The following ADGRL2 variants were observed in gnomAD, a reference collection of about 807,000 sequenced individuals.
The protein encoded by ADGRL2 is calcium-independent alpha-latrotoxin receptor 2.
A neutral mutation model predicts 157.4 loss-of-function variants in ADGRL2; 44 were observed. That is an observed-to-expected ratio of 0.28 (90% CI 0.22 to 0.36). The LOEUF (loss-of-function observed/expected upper bound fraction) is 0.36. ADGRL2 is among the 10% of genes least tolerant of loss of function. The pLI is 1.00. For synonymous variants in ADGRL2, 585 were observed against 624.7 expected (o/e 0.94, Z 0.95); for missense variants, 1,510 against 1,768.9 (o/e 0.85, Z 2.63).
At chr1:81,661,710 T>G (rs1192789049) in intron 3 of ADGRL2, among the ~76,000 whole-genome samples, 1 of 152,212 alleles carries the variant, frequency 6.6e-6, no homozygotes, top group Admixed American at 6.5e-5. Context: ...TGGTTCCAGT[T>G]TACACCAGTT....
chr1:81,849,087 G>A (rs774664114), intron 2 of ADGRL2, among the ~76,000 whole-genome samples: 5 of 151,892 alleles, frequency 3.3e-5, no homozygotes, highest in Non-Finnish European at 7.4e-5. Context: ...TGCATTAATG[G>A]CACTCACTGT....
intron 1 of ADGRL2, among the ~76,000 whole-genome samples, chr1:81,332,055 C>T (rs1228859251): frequency 1.3e-5 from 2 of 152,054 alleles, no homozygotes; most frequent in South Asian, 2.1e-4. Context: ...TGTATTTTGA[C>T]GTTTGTATGT....
intron 2 of ADGRL2, among the ~76,000 whole-genome samples, chr1:81,495,923 T>G (rs1226718876): frequency 6.6e-6 from 1 of 152,160 alleles, no homozygotes; most frequent in Non-Finnish European, 1.5e-5. Context: ...TTGCTCTTTG[T>G]CAAGTTGAAT....
intron 3 of ADGRL2, among the ~76,000 whole-genome samples, chr1:81,606,780 G>A (rs200244875): frequency 3.3e-5 from 5 of 151,380 alleles, no homozygotes; most frequent in Admixed American, 2.0e-4. Context: ...GTGTGCGCAC[G>A]CGTGTGTGTG....
intron 2 of ADGRL2, among the ~76,000 whole-genome samples, chr1:81,453,027 C>T (rs1464414434): frequency 6.6e-6 from 1 of 152,192 alleles, no homozygotes; most frequent in Non-Finnish European, 1.5e-5. Flanking sequence ...TTGTTTTATG[C>T]TCCTGAATGG....
intron 2 of ADGRL2, among the ~76,000 whole-genome samples, chr1:81,496,855 G>A (rs2078741184): frequency 6.6e-6 from 1 of 152,020 alleles, no homozygotes; most frequent in Admixed American, 6.5e-5. Flanking sequence ...CTTTCAAAGT[G>A]GGAAACAACT....
chr1:81,838,784 G>A (rs1247947464), intron 2 of ADGRL2, among the ~76,000 whole-genome samples: 1 of 151,994 alleles, frequency 6.6e-6, no homozygotes, highest in Non-Finnish European at 1.5e-5. Flanking sequence ...ATGAGATACT[G>A]CAGCTTTATT....
In ADGRL2 at chr1:81,984,625, T is replaced by G; in HGVS notation, c.3325T>G (p.Cys1109Gly). 6.2e-7 allele frequency: 1 copy of G among 1,612,824 alleles called. No individual in the cohort carries two copies. Among genetic ancestry groups the G allele is most frequent in the Non-Finnish European group, 8.5e-7 (1 of 1,179,108 alleles). The part of the protein sequence containing the change: ...YGKCFRHSYC[C>G]GGLPTESPHS... ...CAAGTGCTTCAGACACTCATACTGC[T>G]GTGGAGGCCTCCCAACTGAGAGTCC... Residue 1109 changes from cysteine to glycine, a missense_variant, in exon 20 of 24, where the codon TGT (cysteine) becomes GGT (glycine). This residue lies in a region of ADGRL2 where 497 missense variants were observed against 627.2 expected (regional missense o/e 0.79). Coordinates refer to ENST00000686636, the MANE Select transcript of ADGRL2 (RefSeq NM_001366006.2).
At chr1:81,346,061 G>T (rs1004015866) in intron 1 of ADGRL2, among the ~76,000 whole-genome samples, 2 of 152,116 alleles carry the variant, frequency 1.3e-5, no homozygotes, top group African/African-American at 4.8e-5. Flanking sequence ...TATCCACAGT[G>T]AGTTTGTAAA....
At chr1:81,822,396 ATAATT>A (rs1178831549) in intron 1 of ADGRL2, among the ~76,000 whole-genome samples, 1 of 151,584 alleles carries the variant, frequency 6.6e-6, no homozygotes, top group African/African-American at 2.4e-5. Context: ...ATTTTGATTT[ATAATT>A]TAATTTTTAT....
intron 2 of ADGRL2, among the ~76,000 whole-genome samples, chr1:81,889,331 A>G (rs901328420): frequency 1.3e-5 from 2 of 152,254 alleles, no homozygotes; most frequent in South Asian, 2.1e-4. Flanking sequence ...CAGTGAACAC[A>G]TAGATGATAA....
chr1:81,619,507 A>T (rs1321242044), intron 3 of ADGRL2, among the ~76,000 whole-genome samples: 1 of 152,108 alleles, frequency 6.6e-6, no homozygotes. Context: ...CACAAATCAG[A>T]TGCACTTCTG....
At chr1:81,948,508 T>C (rs948441197) in intron 6 of ADGRL2, among the ~76,000 whole-genome samples, 9 of 152,196 alleles carry the variant, frequency 5.9e-5, no homozygotes, top group Non-Finnish European at 1.2e-4. Context: ...CCCCTTCTTT[T>C]TTCTGTTCTG....
chr1:81,378,566 T>TAA (rs58850012), intron 1 of ADGRL2, among the ~76,000 whole-genome samples: 45,308 of 100,892 alleles, frequency 0.45, 10,670 homozygotes, highest in East Asian at 0.88. Flanking sequence ...CCTTGTATCT[T>TAA]AAAAAAAAAA....
intron 2 of ADGRL2, among the ~76,000 whole-genome samples, chr1:81,517,491 G>A (rs1535880): frequency 0.38 from 54,227 of 141,646 alleles, 14,229 homozygotes; most frequent in African/African-American, 0.75. Flanking sequence ...AAAAAAAAAG[G>A]ATGTCAAAAC....
At chr1:81,487,105 A>AG (rs1295290541) in intron 2 of ADGRL2, among the ~76,000 whole-genome samples, 4 of 140,998 alleles carry the variant, frequency 2.8e-5, no homozygotes, top group African/African-American at 5.5e-5. Context: ...AAAAAAAAAA[A>AG]AAAAGAAAGT....
chr1:81,909,986 T>A (rs2094676777), intron 3 of ADGRL2, among the ~76,000 whole-genome samples: 1 of 152,066 alleles, frequency 6.6e-6, no homozygotes, highest in African/African-American at 2.4e-5. Flanking sequence ...ACGTCTGTAA[T>A]CCCAGCACTT....
intron 1 of ADGRL2, among the ~76,000 whole-genome samples, chr1:81,396,988 A>G (rs1029206912): frequency 1.3e-5 from 2 of 152,198 alleles, no homozygotes; most frequent in African/African-American, 2.4e-5. Context: ...TGTTAGCCTC[A>G]TACAGTGATT....
At chr1:81,331,415 G>T (rs1480753308) in intron 1 of ADGRL2, among the ~76,000 whole-genome samples, 1 of 152,062 alleles carries the variant, frequency 6.6e-6, no homozygotes, top group Non-Finnish European at 1.5e-5. Flanking sequence ...TGGCATCCAG[G>T]CAGTAGAAAT....
Sources: gnomAD v4.1 joint callset for allele counts (sites outside exome capture counted in the v4.1 genomes callset) on GRCh38, gnomAD v4.1.1 for gene constraint, gnomAD v4.1.1 regional missense constraint, MANE v1.5 for transcripts, NCBI Gene and HGNC (gene_info 2026-07-23, HGNC 2026-07-21) for gene names.